The following NKAIN3 variants were observed in gnomAD, a reference collection of about 807,000 sequenced individuals.
NKAIN3 encodes sodium/potassium-transporting ATPase subunit beta-1-interacting protein 3.
Under a neutral mutation model 30.2 loss-of-function variants are expected in NKAIN3, and 25 were observed. The observed-to-expected ratio is 0.83, with a 90% CI of 0.60 to 1.16. NKAIN3 has a LOEUF of 1.16. Ranked by LOEUF, NKAIN3 falls within the 50% of genes most tolerant of loss-of-function variation. NKAIN3 has a pLI of 0.00. For missense variants in NKAIN3, 225 were observed against 254.1 expected, an observed-to-expected ratio of 0.89 and a Z score of 0.78; for synonymous variants, 91 against 89.6, an observed-to-expected ratio of 1.02 and a Z score of -0.09.
intron 1 of NKAIN3, among the ~76,000 whole-genome samples, chr8:62,291,159 A>G (rs1813609730): frequency 6.6e-6 from 1 of 152,102 alleles, no homozygotes; most frequent in Non-Finnish European, 1.5e-5. Context: ...CTAGCAGTCC[A>G]TCAATTTTGT....
At chr8:62,551,956 A>G (rs950495167) in intron 1 of NKAIN3, among the ~76,000 whole-genome samples, 4 of 152,192 alleles carry the variant, frequency 2.6e-5, no homozygotes, top group African/African-American at 9.6e-5. Context: ...TTTTGATCAA[A>G]TTTCATGGAA....
chr8:62,753,880 G>A (rs1038097765), intron 4 of NKAIN3, among the ~76,000 whole-genome samples: 2 of 151,660 alleles, frequency 1.3e-5, no homozygotes, highest in African/African-American at 4.8e-5. Context: ...TTAAAGACAT[G>A]GTATAACAAT....
At chr8:62,894,708 T>C (rs1821383183) in intron 4 of NKAIN3, among the ~76,000 whole-genome samples, 1 of 152,132 alleles carries the variant, frequency 6.6e-6, no homozygotes, top group South Asian at 2.1e-4. Flanking sequence ...CAAATAGAAG[T>C]CACTTAGAAG....
chr8:62,727,148 A>G (rs1002218331), intron 3 of NKAIN3, among the ~76,000 whole-genome samples: 5 of 152,172 alleles, frequency 3.3e-5, no homozygotes, highest in Admixed American at 2.0e-4. Flanking sequence ...ACAAAATCCA[A>G]TATGCAGTCT....
chr8:62,341,590 T>C (rs1350975742), intron 1 of NKAIN3, among the ~76,000 whole-genome samples: 1 of 152,094 alleles, frequency 6.6e-6, no homozygotes, highest in Non-Finnish European at 1.5e-5. Context: ...TGTTCAAATA[T>C]GATTCAATAA....
At position 62,965,347 on chromosome 8, in the gene NKAIN3, GTTT is replaced by G. The variant is rs1298648449; in HGVS notation, c.604-5_604-3del. The G allele has an allele frequency of 1.4e-5, 14 of 985,624 alleles. No individual in the cohort carries two copies. The highest frequency in any genetic ancestry group is 1.6e-5 in the Non-Finnish European group (13 of 829,862). The allele number at this position is 985,624 out of a possible 1,614,324, so 61.1% of individuals were successfully genotyped here. Reference sequence around the variant, plus strand: ...TTCTTGAAAGCAATTCGTATTTTCTGTTTTAGGTCGAAATAAGTAATGACATTG... The same window carrying G: ...TTCTTGAAAGCAATTCGTATTTTCTGTAGGTCGAAATAAGTAATGACATTG... On this transcript the variant is annotated splice_region_variant and splice_polypyrimidine_tract_variant and intron_variant, in intron 6 of 6. Coordinates refer to ENST00000623646, the MANE Select transcript of NKAIN3 (RefSeq NM_001304533.3).
At chr8:62,543,836 C>T (rs965808892) in intron 1 of NKAIN3, among the ~76,000 whole-genome samples, 4 of 152,040 alleles carry the variant, frequency 2.6e-5, no homozygotes, top group Non-Finnish European at 5.9e-5. Flanking sequence ...CTTCTTCTCC[C>T]AAGGGTTTGT....
At chr8:62,546,569 T>C (rs565194489) in intron 1 of NKAIN3, among the ~76,000 whole-genome samples, 2 of 152,312 alleles carry the variant, frequency 1.3e-5, no homozygotes, top group South Asian at 4.1e-4. Flanking sequence ...GTTCTTCAAA[T>C]GGCCTATTGC....
At chr8:62,323,836 A>G (rs1315518832) in intron 1 of NKAIN3, among the ~76,000 whole-genome samples, 1 of 152,244 alleles carries the variant, frequency 6.6e-6, no homozygotes, top group Non-Finnish European at 1.5e-5. Context: ...ATATTGCTAA[A>G]TTAAATAAGC....
intron 1 of NKAIN3, among the ~76,000 whole-genome samples, chr8:62,305,276 C>T (rs4620281): frequency 0.046 from 6,929 of 150,104 alleles, 272 homozygotes; most frequent in Admixed American, 0.085. Flanking sequence ...CTATGAAATA[C>T]GACTTTAAAG....
intron 4 of NKAIN3, among the ~76,000 whole-genome samples, chr8:62,897,334 G>A (rs76648403): frequency 0.027 from 4,018 of 151,528 alleles, 157 homozygotes; most frequent in African/African-American, 0.082. Context: ...GATTTGTATT[G>A]TAAGAAAAGC....
intron 1 of NKAIN3, among the ~76,000 whole-genome samples, chr8:62,417,413 A>G (rs1585785951): frequency 6.6e-6 from 1 of 152,264 alleles, no homozygotes; most frequent in East Asian, 1.9e-4. Flanking sequence ...GAATATTGTA[A>G]ACAGTGCTGC....
intron 5 of NKAIN3, among the ~76,000 whole-genome samples, chr8:62,937,614 A>AC (rs1399526602): frequency 2.0e-5 from 3 of 152,058 alleles, no homozygotes; most frequent in African/African-American, 7.3e-5. Context: ...TTGGGGAAAA[A>AC]CTACGAGGAG....
At chr8:62,713,460 TA>T (rs1382414359) in intron 3 of NKAIN3, among the ~76,000 whole-genome samples, 2 of 152,238 alleles carry the variant, frequency 1.3e-5, no homozygotes, top group African/African-American at 4.8e-5. Context: ...TTCATCAGTT[TA>T]AAAAATCTAT....
chr8:62,789,252 C>G (rs1300134070), intron 4 of NKAIN3, among the ~76,000 whole-genome samples: 1 of 151,966 alleles, frequency 6.6e-6, no homozygotes, highest in Non-Finnish European at 1.5e-5. Context: ...CCTTCACATC[C>G]CTTGTAAGTT....
chr8:62,385,914 C>A (rs938754493), intron 1 of NKAIN3, among the ~76,000 whole-genome samples: 6 of 152,174 alleles, frequency 3.9e-5, no homozygotes, highest in Non-Finnish European at 8.8e-5. Context: ...ATCCATTCAA[C>A]ACTTTAGGAT....
chr8:62,828,323 G>T (rs1192910391), intron 4 of NKAIN3, among the ~76,000 whole-genome samples: 1 of 150,968 alleles, frequency 6.6e-6, no homozygotes, highest in African/African-American at 2.4e-5. Context: ...CTTGAGCCTA[G>T]TTGTAATATG....
chr8:62,399,762 A>G (rs191893510), intron 1 of NKAIN3, among the ~76,000 whole-genome samples: 79 of 152,324 alleles, frequency 5.2e-4, no homozygotes, highest in African/African-American at 1.9e-3. Context: ...AATGAAAGAC[A>G]TAGAAAAGCC....
intron 1 of NKAIN3, among the ~76,000 whole-genome samples, chr8:62,538,041 G>C (rs1378219665): frequency 1.3e-5 from 2 of 152,178 alleles, no homozygotes; most frequent in African/African-American, 2.4e-5. Flanking sequence ...TCCCCTGACA[G>C]AAAGCAGGTG....
Sources: allele counts gnomAD v4.1 joint callset (sites outside exome capture counted in the v4.1 genomes callset), GRCh38; gene constraint gnomAD v4.1.1; transcripts MANE v1.5; gene names NCBI Gene and HGNC (gene_info 2026-07-23, HGNC 2026-07-21).